NEK11: variants seen among roughly 807,000 people sequenced by gnomAD.
NEK11 encodes the protein NIMA related kinase 11, also known as serine/threonine-protein kinase Nek11.
Under a neutral mutation model 80.7 loss-of-function variants are expected in NEK11, and 72 were observed. That is an observed-to-expected ratio of 0.89 (90% CI 0.74 to 1.08). The LOEUF (loss-of-function observed/expected upper bound fraction) is 1.08, where lower values mean the gene tolerates loss of function less well. NEK11 is among the 50% of genes least tolerant of loss of function. The pLI is 0.00. For missense variants in NEK11, 764 were observed against 763.6 expected (o/e 1.00, Z -0.01); for synonymous variants, 251 against 260.7 (o/e 0.96, Z 0.36).
chr3:131,332,478 A>G (rs1286254768), intron 17 of NEK11, among the ~76,000 whole-genome samples: 2 of 152,182 alleles, frequency 1.3e-5, no homozygotes, highest in African/African-American at 2.4e-5. Context: ...CATCACCATC[A>G]TCAAAGACCA....
At chr3:131,174,789 G>A (rs763379381) in intron 14 of NEK11, 37 of 1,610,972 alleles carry the variant, frequency 2.3e-5, no homozygotes, top group Non-Finnish European at 3.1e-5. Flanking sequence ...GACTTTCAGA[G>A]CAGTGTTTTT....
At chr3:131,333,410 CA>C (rs2097128301) in intron 17 of NEK11, among the ~76,000 whole-genome samples, 1 of 152,112 alleles carries the variant, frequency 6.6e-6, no homozygotes, top group Non-Finnish European at 1.5e-5. Context: ...TACAGACAAG[CA>C]AATGCTGAGA....
chr3:131,107,376 A>T (rs149550990), intron 4 of NEK11, among the ~76,000 whole-genome samples: 2,114 of 151,252 alleles, frequency 0.014, 29 homozygotes, highest in East Asian at 0.08. Context: ...TAAAATAAAA[A>T]AAAAAGAAGC....
intron 4 of NEK11, among the ~76,000 whole-genome samples, chr3:131,101,168 T>A (rs2078307533): frequency 6.6e-6 from 1 of 152,186 alleles, no homozygotes; most frequent in Non-Finnish European, 1.5e-5. Context: ...TTGTTTATTT[T>A]TTATAAGAAC....
At chr3:131,249,771 G>C (rs746624225) in intron 16 of NEK11, among the ~76,000 whole-genome samples, 1 of 152,092 alleles carries the variant, frequency 6.6e-6, no homozygotes, top group African/African-American at 2.4e-5. Context: ...CAACAAAATG[G>C]TGGGAATGAG....
At chr3:131,203,589 A>G (rs946706498) in intron 14 of NEK11, among the ~76,000 whole-genome samples, 1 of 150,870 alleles carries the variant, frequency 6.6e-6, no homozygotes, top group Non-Finnish European at 1.5e-5. Context: ...TAAAAAAAAA[A>G]AAGAAACTTG....
intron 17 of NEK11, among the ~76,000 whole-genome samples, chr3:131,331,683 A>G (rs1375390726): frequency 6.6e-6 from 1 of 152,232 alleles, no homozygotes; most frequent in East Asian, 1.9e-4. Context: ...CGGGAAGCGC[A>G]AGGGGTCAGG....
intron 17 of NEK11, among the ~76,000 whole-genome samples, chr3:131,289,129 G>C (rs2096515403): frequency 6.6e-6 from 1 of 152,178 alleles, no homozygotes; most frequent in South Asian, 2.1e-4. Context: ...GTGCCAGCAG[G>C]TTTGGTTTCT....
At position 131,208,198 on chromosome 3, in the gene NEK11, C is replaced by G. The variant is rs568442726; in HGVS notation, c.1400-20330C>G. Among the ~76,000 whole-genome samples the G allele has an allele frequency of 5.3e-5, 8 of 152,264 alleles. No homozygotes were observed. In the East Asian group the frequency reaches 1.5e-3, roughly 29 times the overall value. On this transcript the variant is annotated intron_variant, in intron 14 of 17. Transcript: ENST00000383366. ...TTTCTACATATGGCTAGCCAGTTTT[C>G]CCAGCACCATTTATTAAATAGGGAA...
intron 14 of NEK11, among the ~76,000 whole-genome samples, chr3:131,215,224 G>T (rs976638173): frequency 4.2e-5 from 6 of 143,708 alleles, no homozygotes; most frequent in Admixed American, 3.7e-4. Flanking sequence ...ATTGAACAAT[G>T]AGAACACTTG....
chr3:131,233,238 A>G (rs144091728), intron 15 of NEK11, among the ~76,000 whole-genome samples: 201 of 152,282 alleles, frequency 1.3e-3, no homozygotes, highest in Non-Finnish European at 2.4e-3. Context: ...GGAGTCCAGC[A>G]CTGCGAAAGA....
chr3:131,091,477 G>C (rs978029849), intron 4 of NEK11, among the ~76,000 whole-genome samples: 8 of 152,158 alleles, frequency 5.3e-5, no homozygotes, highest in African/African-American at 1.4e-4. Flanking sequence ...CCACTTGAAA[G>C]ATTGTAAGCA....
intron 10 of NEK11, among the ~76,000 whole-genome samples, chr3:131,158,186 T>C (rs1251455375): frequency 6.6e-6 from 1 of 151,982 alleles, no homozygotes; most frequent in Non-Finnish European, 1.5e-5. Flanking sequence ...GTCTACATCA[T>C]AGCTCCCGTA....
At chr3:131,232,668 T>C (rs2107870002) in intron 15 of NEK11, among the ~76,000 whole-genome samples, 1 of 152,316 alleles carries the variant, frequency 6.6e-6, no homozygotes, top group South Asian at 2.1e-4. Context: ...TGGAACATTG[T>C]CCCGGGGCAG....
chr3:131,128,709 A>G (rs2083815248), intron 5 of NEK11, among the ~76,000 whole-genome samples: 1 of 152,214 alleles, frequency 6.6e-6, no homozygotes, highest in Non-Finnish European at 1.5e-5. Context: ...AAGCATTTGT[A>G]TCATTTTGTA....
In NEK11 at chr3:131,128,066, C is replaced by T. The variant is rs112690689; in HGVS notation, c.456-4679C>T. Reference sequence around the variant, plus strand: ...ATTGAGTGGAAGGTACAGAGATTTCCCTTATACCCCCTGCTCCCACACATG... The same window carrying T: ...ATTGAGTGGAAGGTACAGAGATTTCTCTTATACCCCCTGCTCCCACACATG... On this transcript the variant is annotated intron_variant, in intron 5 of 17. Transcript: ENST00000383366. Among the ~76,000 whole-genome samples the T allele has an allele frequency of 2.0e-5, 3 of 152,072 alleles. No individual in the cohort carries two copies. The South Asian group carries it at 6.2e-4, about 31-fold the overall frequency.
At chr3:131,135,306 A>G (rs1560576626) in intron 7 of NEK11, among the ~76,000 whole-genome samples, 1 of 152,010 alleles carries the variant, frequency 6.6e-6, no homozygotes, top group East Asian at 1.9e-4. Flanking sequence ...TCATTGGCTT[A>G]CTTCTGCCCT....
intron 4 of NEK11, among the ~76,000 whole-genome samples, chr3:131,094,759 C>T (rs1347694221): frequency 6.6e-6 from 1 of 152,102 alleles, no homozygotes; most frequent in African/African-American, 2.4e-5. Flanking sequence ...TCAAATGATC[C>T]AGCAGGTGCT....
At chr3:131,121,482 G>A (rs532010352) in intron 5 of NEK11, among the ~76,000 whole-genome samples, 8 of 152,336 alleles carry the variant, frequency 5.3e-5, no homozygotes, top group African/African-American at 1.7e-4. Flanking sequence ...CTCAAACTCT[G>A]TGCTGGGAGA....
Sources: allele counts gnomAD v4.1 joint callset (sites outside exome capture counted in the v4.1 genomes callset), GRCh38; gene constraint gnomAD v4.1.1; transcripts MANE v1.5; gene names NCBI Gene and HGNC (gene_info 2026-07-23, HGNC 2026-07-21).